ENAH: variants seen among roughly 807,000 people sequenced by gnomAD.
ENAH encodes the protein protein enabled homolog.
ENAH carries 23 observed loss-of-function variants against 78.7 expected under a neutral mutation model. That is an observed-to-expected ratio of 0.29 (90% CI 0.21 to 0.41). ENAH has a LOEUF of 0.41. ENAH is among the 10% of genes least tolerant of loss of function. ENAH has a pLI of 1.00. For synonymous variants in ENAH, 226 were observed against 241.0 expected (o/e 0.94, Z 0.58); for missense variants, 544 against 691.0 (o/e 0.79, Z 2.39).
Position 225,492,384 on chromosome 1 carries a change from A to G in ENAH, c.*5391T>C, listed in dbSNP as rs1014990979. 2 of 152,168 alleles carry G rather than the reference A, an allele frequency of 1.3e-5. No homozygotes were observed. Among genetic ancestry groups the G allele is most frequent in the Non-Finnish European group, 1.5e-5 (1 of 68,038 alleles). 9.4% of individuals were successfully genotyped at this position (152,168 alleles called of 1,614,324 possible). ...TTAGATGTCCTAACTACTAGGAATTATATGTCTTTAAAAACTGAGGAAAAA... is the reference window on the plus strand; with the variant it reads ...TTAGATGTCCTAACTACTAGGAATTGTATGTCTTTAAAAACTGAGGAAAAA... On this transcript the variant is annotated 3_prime_UTR_variant, in exon 14 of 14. Transcript: ENST00000366843.
chr1:225,585,357 GAATA>G (rs2096840960), intron 1 of ENAH, among the ~76,000 whole-genome samples: 2 of 150,052 alleles, frequency 1.3e-5, no homozygotes, highest in African/African-American at 4.9e-5. Flanking sequence ...CAAGCACATA[GAATA>G]AATGAAGGTT....
In ENAH at chr1:225,514,458, C is replaced by A; in HGVS notation, c.1218+138G>T. ...GGGATTATACAGGTATGAGCCATTG[C>A]GCCAGGGTAAATTATTTCAATTTTT... On this transcript the variant is annotated intron_variant, in intron 7 of 13. Coordinates refer to ENST00000366843, the MANE Select transcript of ENAH (RefSeq NM_018212.6). 3.7e-6 allele frequency: 3 copies of A among 811,792 alleles called. No homozygotes were observed. In the South Asian group the frequency reaches 4.9e-5, roughly 13 times the overall value. The allele number at this position is 811,792 out of a possible 1,614,324, so 50.3% of individuals were successfully genotyped here.
chr1:225,633,374 C>G (rs1558940106), intron 1 of ENAH, among the ~76,000 whole-genome samples: 1 of 152,060 alleles, frequency 6.6e-6, no homozygotes, highest in Non-Finnish European at 1.5e-5. Flanking sequence ...GTCTTTAACA[C>G]CCCAGCCCAA....
In ENAH at chr1:225,511,908, C is replaced by G. The variant is rs200900270; in HGVS notation, c.1423-49G>C. The stretch of plus-strand genomic sequence containing the variant: ...TATCACATCTACCAGTCCCCTGTTG[C>G]TATATACATTTAGTGTTTTACACGA... On this transcript the variant is annotated intron_variant, in intron 9 of 13. Transcript: ENST00000366843. 176 of 1,272,428 alleles carry G rather than the reference C, an allele frequency of 1.4e-4. No homozygotes were observed. The African/African-American group carries it at 2.4e-3, about 18-fold the overall frequency. 78.8% of individuals were successfully genotyped at this position (1,272,428 alleles called of 1,614,324 possible).
chr1:225,641,429 G>A (rs1004717486), intron 1 of ENAH, among the ~76,000 whole-genome samples: 2 of 128,642 alleles, frequency 1.6e-5, no homozygotes, highest in Admixed American at 8.6e-5. Context: ...AAGGCCAAGA[G>A]TTGAAGACTA....
At position 225,643,404 on chromosome 1, in the gene ENAH, A is replaced by C. The variant is rs796355974; in HGVS notation, c.5+9282T>G. On this transcript the variant is annotated intron_variant, in intron 1 of 13. Transcript: ENST00000366843. ...AGGTAAAGAAACAAAAAATAAAAAA[A>C]AAAACAAAACACAGCACTACTTCTT... Among the ~76,000 whole-genome samples, 14 of 152,194 alleles carry C rather than the reference A, an allele frequency of 9.2e-5. No homozygotes were observed. The East Asian group carries it at 9.6e-4, about 10-fold the overall frequency.
At chr1:225,549,631 AG>A (rs2096632153) in intron 3 of ENAH, among the ~76,000 whole-genome samples, 1 of 152,054 alleles carries the variant, frequency 6.6e-6, no homozygotes, top group African/African-American at 2.4e-5. Flanking sequence ...CCAACCTTGT[AG>A]GGTTGTTATA....
chr1:225,652,596 G>T (rs1256609163), intron 1 of ENAH, 90 bp downstream of exon 1: 3 of 1,196,852 alleles, frequency 2.5e-6, no homozygotes, highest in Non-Finnish European at 2.1e-6. Flanking sequence ...GCGCCGGGCC[G>T]GGAGAGGGAA....
chr1:225,594,330 C>G (rs2147927075), intron 1 of ENAH, among the ~76,000 whole-genome samples: 1 of 152,352 alleles, frequency 6.6e-6, no homozygotes, highest in Admixed American at 6.5e-5. Flanking sequence ...ATCATTCCCA[C>G]TGGGGCAACA....
chr1:225,605,714 T>G (rs1385947445), intron 1 of ENAH, among the ~76,000 whole-genome samples: 1 of 152,148 alleles, frequency 6.6e-6, no homozygotes, highest in Non-Finnish European at 1.5e-5. Context: ...GACAGGGCCT[T>G]AAAGAGGTAA....
intron 1 of ENAH, among the ~76,000 whole-genome samples, chr1:225,595,063 G>A (rs201877960): frequency 3.3e-5 from 5 of 152,260 alleles, no homozygotes; most frequent in Non-Finnish European, 5.9e-5. Context: ...GCCCAGGCGC[G>A]GTGGCTCAAG....
rs534865171 is a variant in ENAH, at chr1:225,515,538, T to C, written c.914-638A>G. The C allele has an allele frequency of 3.9e-5, 6 of 152,294 alleles. No homozygotes were observed. In the South Asian group the frequency reaches 1.0e-3, roughly 26 times the overall value. The allele number at this position is 152,294 out of a possible 1,614,324, so 9.4% of individuals were successfully genotyped here. On this transcript the variant is annotated intron_variant, in intron 6 of 13. Transcript: ENST00000366843. ...AACGCTCGGAAATAATTAAATACCA[T>C]AGGATTTGAAGTAGAGTTGTTTTTA...
intron 1 of ENAH, among the ~76,000 whole-genome samples, chr1:225,612,431 G>A (rs759328723): frequency 2.0e-5 from 3 of 152,220 alleles, no homozygotes; most frequent in Non-Finnish European, 2.9e-5. Flanking sequence ...ATGGGGAACA[G>A]GGATTGGGAA....
chr1:225,530,691 C>A, intron 3 of ENAH, 53 bp from the exon 4 acceptor site: 4 of 1,326,570 alleles, frequency 3.0e-6, no homozygotes, highest in Non-Finnish European at 4.3e-6. Context: ...TCTAGCTGGA[C>A]AGAGGAGATA....
intron 1 of ENAH, among the ~76,000 whole-genome samples, chr1:225,633,193 C>A (rs111971638): frequency 1.3e-5 from 2 of 151,932 alleles, no homozygotes; most frequent in Non-Finnish European, 2.9e-5. Flanking sequence ...CAGGCACCTG[C>A]CACCACACCT....
intron 3 of ENAH, among the ~76,000 whole-genome samples, chr1:225,541,654 A>G (rs1221311441): frequency 6.6e-6 from 1 of 152,130 alleles, no homozygotes; most frequent in Non-Finnish European, 1.5e-5. Flanking sequence ...AAATATCCCA[A>G]TGCCTACTGC....
chr1:225,588,565 T>C (rs1025376825), intron 1 of ENAH, among the ~76,000 whole-genome samples: 1 of 152,152 alleles, frequency 6.6e-6, no homozygotes, highest in Non-Finnish European at 1.5e-5. Flanking sequence ...ATCCCAACAC[T>C]TTGGGAGGCC....
intron 9 of ENAH, 49 bp from the exon 10 acceptor site, chr1:225,511,908 C>A: frequency 7.9e-7 from 1 of 1,272,428 alleles, no homozygotes; most frequent in Non-Finnish European, 1.1e-6. Flanking sequence ...TCCCCTGTTG[C>A]TATATACATT....
At chr1:225,598,851 CAAA>C (rs547584715) in intron 1 of ENAH, among the ~76,000 whole-genome samples, 2 of 139,170 alleles carry the variant, frequency 1.4e-5, no homozygotes, top group Non-Finnish European at 3.2e-5. Context: ...TTGATTCAGG[CAAA>C]AAAAAAAAAT....
Sources: allele counts gnomAD v4.1 joint callset (sites outside exome capture counted in the v4.1 genomes callset), GRCh38; gene constraint gnomAD v4.1.1; transcripts MANE v1.5; gene names NCBI Gene and HGNC (gene_info 2026-07-23, HGNC 2026-07-21).